Variants in KIAA1671 observed in about 807,000 individuals in gnomAD.
The protein encoded by KIAA1671 is uncharacterized protein KIAA1671.
KIAA1671 carries 52 observed loss-of-function variants against 131.2 expected under a neutral mutation model. The observed-to-expected ratio is 0.40, with a 90% CI of 0.32 to 0.50. The LOEUF is 0.50. KIAA1671 is among the 20% of genes least tolerant of loss of function. KIAA1671 has a pLI of 0.73. For missense variants in KIAA1671, 2,360 were observed against 2,364.2 expected, an observed-to-expected ratio of 1.00 and a Z score of 0.04; for synonymous variants, 1,003 against 961.6, an observed-to-expected ratio of 1.04 and a Z score of -0.80.
chr22:25,016,175 C>G (rs1166973032), intron 1 of KIAA1671, among the ~76,000 whole-genome samples: 1 of 152,132 alleles, frequency 6.6e-6, no homozygotes, highest in Admixed American at 6.6e-5. Context: ...CATGCGCCAC[C>G]AAGCCTGGCT....
At chr22:25,157,585 A>T (rs2145988503) in intron 6 of KIAA1671, among the ~76,000 whole-genome samples, 3 of 152,256 alleles carry the variant, frequency 2.0e-5, no homozygotes, top group Admixed American at 2.0e-4. Context: ...AGAACTGTAG[A>T]GCTTATATTA....
At chr22:24,968,313 T>C (rs1259493513) in intron 1 of KIAA1671, among the ~76,000 whole-genome samples, 1 of 152,136 alleles carries the variant, frequency 6.6e-6, no homozygotes, top group Non-Finnish European at 1.5e-5. Context: ...TGGCTTTGGT[T>C]GGAGTCTGTT....
At chr22:25,126,148 G>A (rs563413223) in intron 6 of KIAA1671, among the ~76,000 whole-genome samples, 1 of 152,222 alleles carries the variant, frequency 6.6e-6, no homozygotes, top group East Asian at 1.9e-4. Context: ...TACTCTTCAC[G>A]GTCTATTAAT....
At chr22:25,086,779 C>T (rs1254468184) in intron 6 of KIAA1671, among the ~76,000 whole-genome samples, 1 of 152,168 alleles carries the variant, frequency 6.6e-6, no homozygotes, top group Non-Finnish European at 1.5e-5. Context: ...GTGACCAAGG[C>T]GCCAGTCCGA....
intron 7 of KIAA1671, among the ~76,000 whole-genome samples, chr22:25,173,134 G>A (rs1258451448): frequency 6.6e-6 from 1 of 152,148 alleles, no homozygotes; most frequent in African/African-American, 2.4e-5. Flanking sequence ...ACGGGAAGGT[G>A]CCACACACTT....
intron 6 of KIAA1671, among the ~76,000 whole-genome samples, chr22:25,159,899 G>C (rs1933377606): frequency 6.6e-6 from 1 of 152,200 alleles, no homozygotes; most frequent in Non-Finnish European, 1.5e-5. Context: ...TAGCATATCT[G>C]TGGAATGTTT....
chr22:25,023,438 C>T (rs1415152804), intron 1 of KIAA1671: 1 of 152,136 alleles, frequency 6.6e-6, no homozygotes, highest in African/African-American at 2.4e-5. Flanking sequence ...CAGCATCTAG[C>T]CTCTCCGTGA....
chr22:25,015,084 T>TA (rs1925232359), intron 1 of KIAA1671: 3 of 151,938 alleles, frequency 2.0e-5, no homozygotes, highest in African/African-American at 7.3e-5. Flanking sequence ...ACAAAAAATT[T>TA]AAAAAATTAG....
intron 9 of KIAA1671, 34 bp downstream of exon 9, chr22:25,177,556 C>T: frequency 6.6e-7 from 1 of 1,519,034 alleles, no homozygotes; most frequent in South Asian, 1.2e-5. Flanking sequence ...TCAGATAGCA[C>T]ATTGAACAGC....
At chr22:24,977,601 G>A (rs376298873) in intron 1 of KIAA1671, among the ~76,000 whole-genome samples, 3 of 152,192 alleles carry the variant, frequency 2.0e-5, no homozygotes, top group Admixed American at 6.5e-5. Flanking sequence ...AGGGCCCCAC[G>A]GGTCTGATGT....
intron 1 of KIAA1671, among the ~76,000 whole-genome samples, chr22:24,983,275 C>T (rs926575312): frequency 1.3e-5 from 2 of 152,158 alleles, no homozygotes; most frequent in Admixed American, 1.3e-4. Context: ...CTAATAGTGT[C>T]CTCAGAGCCA....
At chr22:25,049,388 G>T in intron 6 of KIAA1671, 24 bp downstream of exon 6, 1 of 1,544,318 alleles carries the variant, frequency 6.5e-7, no homozygotes, top group South Asian at 1.2e-5. Flanking sequence ...CATGGCTGGA[G>T]AGGATTGCAC....
chr22:25,189,972 G>T (rs147921747), intron 11 of KIAA1671, among the ~76,000 whole-genome samples: 1 of 152,214 alleles, frequency 6.6e-6, no homozygotes, highest in African/African-American at 2.4e-5. Flanking sequence ...ATTTATTTCA[G>T]CGGTCCCCAA....
At position 25,177,516 on chromosome 22, in the gene KIAA1671, T is replaced by A; in HGVS notation, c.5068T>A (p.Ser1690Thr). ...ETDNTWMFKD[S>T]TEEKSPRKEE... is the part of the protein sequence containing the mutation. The stretch of plus-strand genomic sequence containing the variant: ...TGACAACACGTGGATGTTCAAAGAC[T>A]CAACGGGTATGCCATGACTTCTCTC... Residue 1690 changes from serine to threonine, a missense_variant, in exon 9 of 13, where the codon TCA becomes ACA. Ser to Thr is a moderately conservative substitution (Grantham distance 58). Transcript: ENST00000358431. The A allele has an allele frequency of 6.4e-7, 1 of 1,550,394 alleles. No homozygotes were observed. The highest frequency in any genetic ancestry group is 1.2e-5 in the South Asian group (1 of 84,014).
intron 6 of KIAA1671, among the ~76,000 whole-genome samples, chr22:25,075,421 C>G (rs962781537): frequency 6.6e-6 from 1 of 152,080 alleles, no homozygotes; most frequent in Non-Finnish European, 1.5e-5. Context: ...GTTCAGGGTC[C>G]CACATTGTAT....
At chr22:25,063,813 T>C (rs1262012201) in intron 6 of KIAA1671, 2 of 152,238 alleles carry the variant, frequency 1.3e-5, no homozygotes, top group Admixed American at 6.5e-5. Flanking sequence ...CATACTGTTA[T>C]GGGTATTGGG....
chr22:25,037,577 G>A (rs1311198860), intron 4 of KIAA1671, among the ~76,000 whole-genome samples: 1 of 152,006 alleles, frequency 6.6e-6, no homozygotes, highest in African/African-American at 2.4e-5. Context: ...GACGTTTTCA[G>A]TATTATGTAA....
intron 1 of KIAA1671, among the ~76,000 whole-genome samples, chr22:24,976,159 G>A (rs1007730777): frequency 2.0e-5 from 3 of 152,166 alleles, no homozygotes; most frequent in African/African-American, 7.2e-5. Context: ...ACACTGAGCC[G>A]GGCACATCCC....
At chr22:25,133,775 T>C (rs1157845036) in intron 6 of KIAA1671, among the ~76,000 whole-genome samples, 1 of 152,206 alleles carries the variant, frequency 6.6e-6, no homozygotes, top group Non-Finnish European at 1.5e-5. Flanking sequence ...CTTGAACTCC[T>C]GGGTTCTTGC....
Sources: allele counts gnomAD v4.1 joint callset (sites outside exome capture counted in the v4.1 genomes callset), GRCh38; gene constraint gnomAD v4.1.1; transcripts MANE v1.5; gene names NCBI Gene and HGNC (gene_info 2026-07-23, HGNC 2026-07-21).